RAPGEF1: variants seen among roughly 807,000 people sequenced by gnomAD.
RAPGEF1 encodes Rap guanine nucleotide exchange factor 1.
In RAPGEF1, 33 loss-of-function variants were observed where a neutral mutation model predicts 143.3. That is an observed-to-expected ratio of 0.23 (90% CI 0.17 to 0.31). The LOEUF is 0.31. Among genes scored for constraint, RAPGEF1 ranks in the 10% least tolerant of loss-of-function variants. RAPGEF1 has a pLI of 1.00. For synonymous variants in RAPGEF1, 629 were observed against 676.5 expected, an observed-to-expected ratio of 0.93 and a Z score of 1.09; for missense variants, 1,199 against 1,645.4, an observed-to-expected ratio of 0.73 and a Z score of 4.69.
At chr9:131,629,926 C>A (rs1964383037) in intron 6 of RAPGEF1, among the ~76,000 whole-genome samples, 1 of 152,162 alleles carries the variant, frequency 6.6e-6, no homozygotes, top group Admixed American at 6.5e-5. Context: ...CAAGTCAAAG[C>A]ACCCAAACCC....
rs1960817185 is a variant in RAPGEF1, at chr9:131,621,045, C to T, written c.1905+751G>A. Among the ~76,000 whole-genome samples the T allele has an allele frequency of 2.6e-5, 4 of 152,212 alleles. No individual in the cohort carries two copies. The South Asian group carries it at 8.3e-4, about 31-fold the overall frequency. On this transcript the variant is annotated intron_variant, in intron 11 of 26. Transcript: ENST00000683357. The surrounding 1 kb of genome is among the most constrained non-coding windows in gnomAD (Gnocchi z 4.5). ...AAGAGGCTCAGATCTTCAAACCTGA[C>T]TAGGGCCCTCCATGTTCATTAACTG...
chr9:131,629,874 C>T (rs1259876814), intron 6 of RAPGEF1, among the ~76,000 whole-genome samples: 2 of 152,078 alleles, frequency 1.3e-5, no homozygotes, highest in Non-Finnish European at 2.9e-5. Context: ...TACAACCATC[C>T]ATGTCATCCT....
intron 1 of RAPGEF1, among the ~76,000 whole-genome samples, chr9:131,695,848 T>G (rs1834128287): frequency 6.6e-6 from 1 of 152,170 alleles, no homozygotes; most frequent in Non-Finnish European, 1.5e-5. Context: ...CAGCAAACAT[T>G]TAATAAAAAA....
At chr9:131,594,061 G>A (rs1393459022) in intron 17 of RAPGEF1, among the ~76,000 whole-genome samples, 3 of 152,128 alleles carry the variant, frequency 2.0e-5, no homozygotes, top group Non-Finnish European at 4.4e-5. Context: ...GCCCAGGCAC[G>A]AGGCCACACC....
At chr9:131,666,078 C>A (rs533786186) in intron 1 of RAPGEF1, among the ~76,000 whole-genome samples, 96 of 152,262 alleles carry the variant, frequency 6.3e-4, no homozygotes, top group African/African-American at 2.3e-3. Flanking sequence ...CCTGTAACAA[C>A]CAACAGCTAT....
chr9:131,592,488 G>A (rs1342881009), intron 17 of RAPGEF1, among the ~76,000 whole-genome samples: 1 of 152,158 alleles, frequency 6.6e-6, no homozygotes. Flanking sequence ...ACCGTGCTGT[G>A]GGAGCTGAGG....
chr9:131,614,040 G>A (rs925335144), intron 12 of RAPGEF1, among the ~76,000 whole-genome samples: 13 of 152,144 alleles, frequency 8.5e-5, no homozygotes, highest in African/African-American at 2.9e-4. Context: ...GCCTCAAGGG[G>A]GCTTCACAAC....
intron 12 of RAPGEF1, among the ~76,000 whole-genome samples, chr9:131,617,833 C>T (rs978888364): frequency 2.6e-5 from 4 of 152,206 alleles, no homozygotes; most frequent in African/African-American, 7.2e-5. Flanking sequence ...CAAGGCCAAA[C>T]TTCTTTCAAG....
chr9:131,651,530 C>A lies in RAPGEF1; in HGVS notation c.62-581G>T, dbSNP rs867253835. 2.0e-5 allele frequency among the ~76,000 whole-genome samples: 3 copies of A among 152,150 alleles called. No homozygotes were observed. The South Asian group carries it at 6.2e-4, about 32-fold the overall frequency. On this transcript the variant is annotated intron_variant, in intron 1 of 26. Coordinates refer to ENST00000683357, the MANE Select transcript of RAPGEF1 (RefSeq NM_001377935.1). ...CTATCTGACATTGAACTGGATCAGA[C>A]CTAAATGTAAGAGTTACAACTGTAA...
At position 131,667,734 on chromosome 9, in the gene RAPGEF1, G is replaced by A. The variant is rs1166923733; in HGVS notation, c.62-16785C>T. Among the ~76,000 whole-genome samples, 2 of 152,122 alleles carry A rather than the reference G, an allele frequency of 1.3e-5. No individual in the cohort carries two copies. The highest frequency in any genetic ancestry group is 2.4e-5 in the African/African-American group (1 of 41,418). ...TAGGGCAGCCTATCCACGTATTCCC[G>A]TCCCACCCACGTCTCAGATGGAAGG... On this transcript the variant is annotated intron_variant, in intron 1 of 26. Transcript: ENST00000683357. This position sits in a 1 kb window ranked among gnomAD's most constrained non-coding sequence, Gnocchi z 4.6.
chr9:131,582,823 G>T, intron 24 of RAPGEF1, 121 bp from the exon 25 acceptor site: 1 of 786,330 alleles, frequency 1.3e-6, no homozygotes. Flanking sequence ...CAACTCCACA[G>T]GTCCCACTAC....
intron 1 of RAPGEF1, among the ~76,000 whole-genome samples, chr9:131,695,655 G>A (rs1014621600): frequency 6.6e-6 from 1 of 152,188 alleles, no homozygotes; most frequent in African/African-American, 2.4e-5. Flanking sequence ...GGCTCACCCA[G>A]AAGAGGTGCA....
intron 9 of RAPGEF1, among the ~76,000 whole-genome samples, chr9:131,626,668 A>G (rs12337756): frequency 0.019 from 2,882 of 152,320 alleles, 97 homozygotes; most frequent in African/African-American, 0.066. Context: ...AAAAAAATAC[A>G]CAACCATTAC....
chr9:131,671,330 C>T (rs757150613), intron 1 of RAPGEF1, among the ~76,000 whole-genome samples: 1 of 152,226 alleles, frequency 6.6e-6, no homozygotes. Context: ...GGAGGAGGCA[C>T]GGGCCACACG....
rs1222605389 is a variant in RAPGEF1, at chr9:131,641,896, TAAAG to T, written c.494+1339_494+1342del. The stretch of plus-strand genomic sequence containing the variant: ...CCCAGGGCAGAGAGTTTCTTGTAAA[TAAAG>T]ACACTATTTGCTTTATCCCCCAGAA... On this transcript the variant is annotated intron_variant, in intron 4 of 26. Coordinates refer to ENST00000683357, the MANE Select transcript of RAPGEF1 (RefSeq NM_001377935.1). This position sits in a 1 kb window ranked among gnomAD's most constrained non-coding sequence, Gnocchi z 4.6. Among the ~76,000 whole-genome samples the T allele has an allele frequency of 6.6e-6, 1 of 152,198 alleles. No individual in the cohort carries two copies. The highest frequency in any genetic ancestry group is 2.4e-5 in the African/African-American group (1 of 41,454).
intron 12 of RAPGEF1, among the ~76,000 whole-genome samples, chr9:131,618,305 G>A (rs975037095): frequency 2.6e-5 from 4 of 152,226 alleles, no homozygotes; most frequent in Non-Finnish European, 5.9e-5. Context: ...CAGCCCCATT[G>A]TCTCAGCTCA....
At chr9:131,708,229 A>G (rs1835222671) in intron 1 of RAPGEF1, among the ~76,000 whole-genome samples, 1 of 152,192 alleles carries the variant, frequency 6.6e-6, no homozygotes, top group Non-Finnish European at 1.5e-5. Flanking sequence ...ACACCCATAT[A>G]TGCAGTTGTG....
intron 12 of RAPGEF1, among the ~76,000 whole-genome samples, chr9:131,607,570 C>G (rs918020115): frequency 6.6e-6 from 1 of 152,024 alleles, no homozygotes; most frequent in African/African-American, 2.4e-5. Context: ...AGGGGTGGGA[C>G]GGCGTGCTGC....
intron 1 of RAPGEF1, among the ~76,000 whole-genome samples, chr9:131,729,644 A>G (rs1463135167): frequency 6.6e-6 from 1 of 152,182 alleles, no homozygotes; most frequent in African/African-American, 2.4e-5. Flanking sequence ...AGGGGAGAGA[A>G]GTGAAACTCC....
Sources: gnomAD v4.1 joint callset for allele counts (sites outside exome capture counted in the v4.1 genomes callset) on GRCh38, gnomAD v4.1.1 for gene constraint, Gnocchi (gnomAD v3.1) non-coding constraint, MANE v1.5 for transcripts, NCBI Gene and HGNC (gene_info 2026-07-23, HGNC 2026-07-21) for gene names.